Variants in ACSS1 observed in about 807,000 individuals in gnomAD.
The protein encoded by ACSS1 is acetyl-coenzyme A synthetase 2-like, mitochondrial.
Under a neutral mutation model 75.3 loss-of-function variants are expected in ACSS1, and 42 were observed. The observed-to-expected ratio is 0.56, with a 90% confidence interval of 0.44 to 0.72. The LOEUF (loss-of-function observed/expected upper bound fraction) is 0.72. ACSS1 is among the 30% of genes least tolerant of loss of function. ACSS1 has a pLI of 0.00. For synonymous variants in ACSS1, 380 were observed against 376.8 expected (o/e 1.01, Z -0.10); for missense variants, 782 against 935.7 (o/e 0.84, Z 2.14).
intron 3 of ACSS1, among the ~76,000 whole-genome samples, chr20:25,030,088 C>A (rs931805233): frequency 1.3e-5 from 2 of 152,148 alleles, no homozygotes; most frequent in South Asian, 2.1e-4. Context: ...GAGAACTCTA[C>A]CCATTAGTTC....
rs1368868088 is a variant in ACSS1, at chr20:25,007,474, C to T, written c.*288G>A. ...ACCTTCCTGTGCTGGCTCAAGAGGGCAGAGGAATGGAGATGGCAATGCCTT... is the reference window on the plus strand; with the variant it reads ...ACCTTCCTGTGCTGGCTCAAGAGGGTAGAGGAATGGAGATGGCAATGCCTT... On this transcript the variant is annotated 3_prime_UTR_variant, in exon 14 of 14. Coordinates refer to ENST00000323482, the MANE Select transcript of ACSS1 (RefSeq NM_032501.4). The T allele has an allele frequency of 1.0e-5, 13 of 1,252,348 alleles. No homozygotes were observed. Among genetic ancestry groups the T allele is most frequent in the Non-Finnish European group, 1.3e-5 (13 of 993,268 alleles). 77.6% of individuals were successfully genotyped at this position (1,252,348 alleles called of 1,614,324 possible).
chr20:25,017,141 G>A lies in ACSS1; in HGVS notation c.1247-1911C>T, dbSNP rs190295698. 1.3e-3 allele frequency among the ~76,000 whole-genome samples: 204 copies of A among 152,194 alleles called. 2 individuals are homozygous for A. The highest frequency in any genetic ancestry group is 4.6e-3 in the African/African-American group (191 of 41,508). On this transcript the variant is annotated intron_variant, in intron 7 of 13. Coordinates refer to ENST00000323482, the MANE Select transcript of ACSS1 (RefSeq NM_032501.4). The stretch of plus-strand genomic sequence containing the variant: ...CAAGTAGCCGAGGGACTACAGGCAC[G>A]TACCACCACGCCCAGCTCCTAAGGA...
intron 3 of ACSS1, among the ~76,000 whole-genome samples, chr20:25,024,877 C>T (rs1325035190): frequency 2.0e-5 from 3 of 152,202 alleles, no homozygotes; most frequent in African/African-American, 4.8e-5. Context: ...ATACCCTAGA[C>T]CTGCCCAGAT....
At chr20:25,016,540 C>T (rs576345466) in intron 7 of ACSS1, among the ~76,000 whole-genome samples, 3 of 152,330 alleles carry the variant, frequency 2.0e-5, no homozygotes, top group South Asian at 4.1e-4. Context: ...TGGTGGTTGC[C>T]TCTTGCTCAG....
At chr20:25,018,496 T>C (rs1019202456) in intron 7 of ACSS1, among the ~76,000 whole-genome samples, 2 of 152,108 alleles carry the variant, frequency 1.3e-5, no homozygotes, top group African/African-American at 4.8e-5. Flanking sequence ...GGGTACAGGG[T>C]GGGGGCACAG....
At chr20:25,018,929 CT>C (rs1469679095) in intron 7 of ACSS1, among the ~76,000 whole-genome samples, 4 of 152,174 alleles carry the variant, frequency 2.6e-5, no homozygotes, top group Non-Finnish European at 2.9e-5. Context: ...CCTCGCCACC[CT>C]GTAGGTAGGT....
chr20:25,029,545 G>A (rs1327275092), intron 3 of ACSS1, among the ~76,000 whole-genome samples: 1 of 152,122 alleles, frequency 6.6e-6, no homozygotes, highest in Admixed American at 6.5e-5. Flanking sequence ...AAAAACAGGT[G>A]TTCCTATACA....
intron 3 of ACSS1, among the ~76,000 whole-genome samples, chr20:25,027,798 G>T (rs920987093): frequency 1.6e-5 from 2 of 125,982 alleles, no homozygotes; most frequent in African/African-American, 2.9e-5. Flanking sequence ...AAAAAAAAAA[G>T]AAATAAAAGA....
intron 2 of ACSS1, among the ~76,000 whole-genome samples, chr20:25,043,553 C>T (rs544487270): frequency 4.6e-5 from 7 of 152,352 alleles, no homozygotes; most frequent in Admixed American, 2.6e-4. Flanking sequence ...CCTCCCTCAG[C>T]TTCCTGGGAC....
At chr20:25,033,811 T>C (rs2088868197) in intron 2 of ACSS1, among the ~76,000 whole-genome samples, 6 of 152,106 alleles carry the variant, frequency 3.9e-5, no homozygotes, top group Admixed American at 3.3e-4. Flanking sequence ...TCTGGATAGA[T>C]TGGCTGTTGG....
At chr20:25,033,744 G>A (rs1322472318) in intron 2 of ACSS1, among the ~76,000 whole-genome samples, 1 of 152,226 alleles carries the variant, frequency 6.6e-6, no homozygotes, top group African/African-American at 2.4e-5. Flanking sequence ...GCACTGAGCA[G>A]CTCAACTTGG....
At chr20:25,052,251 C>T (rs1328472380) in intron 1 of ACSS1, among the ~76,000 whole-genome samples, 1 of 152,144 alleles carries the variant, frequency 6.6e-6, no homozygotes, top group African/African-American at 2.4e-5. Flanking sequence ...AAAAAATCTG[C>T]CCAAAGAAAT....
chr20:25,040,638 AT>A (rs2088984863), intron 2 of ACSS1, among the ~76,000 whole-genome samples: 2 of 152,208 alleles, frequency 1.3e-5, no homozygotes, highest in East Asian at 1.9e-4. Context: ...TGGTGCAAAT[AT>A]TTCCACCGCT....
intron 6 of ACSS1, among the ~76,000 whole-genome samples, chr20:25,020,566 G>A (rs570675417): frequency 6.6e-6 from 1 of 152,364 alleles, no homozygotes; most frequent in Admixed American, 6.5e-5. Context: ...CCAGGGAGCA[G>A]GGCCATGTGC....
At chr20:25,032,156 G>A (rs1394390802) in intron 2 of ACSS1, among the ~76,000 whole-genome samples, 1 of 152,200 alleles carries the variant, frequency 6.6e-6, no homozygotes. Context: ...CCCCCATGTC[G>A]TCCACCACGT....
At chr20:25,021,576 C>T (rs769610242) in intron 5 of ACSS1, 40 bp from the exon 6 acceptor site, 2 of 1,603,858 alleles carry the variant, frequency 1.2e-6, no homozygotes, top group East Asian at 2.2e-5. Flanking sequence ...CTTGTCCCCC[C>T]ACTCCACCAT....
At chr20:25,032,643 C>CA (rs1878190300) in intron 2 of ACSS1, 1 of 1,225,470 alleles carries the variant, frequency 8.2e-7, no homozygotes, top group African/African-American at 1.5e-5. Context: ...CTCGGGCTCT[C>CA]AAGGCCGCTC....
intron 2 of ACSS1, among the ~76,000 whole-genome samples, chr20:25,045,203 G>A (rs1313807768): frequency 1.3e-5 from 2 of 152,184 alleles, no homozygotes; most frequent in Non-Finnish European, 2.9e-5. Context: ...TGTACAGATG[G>A]GAAAGTCACA....
intron 12 of ACSS1, chr20:25,009,866 G>A (rs1305226852): frequency 6.4e-6 from 1 of 156,394 alleles, no homozygotes; most frequent in South Asian, 2.0e-4. Context: ...CAGCTCCCTG[G>A]CTGCATGAGC....
Sources: gnomAD v4.1 joint callset for allele counts (sites outside exome capture counted in the v4.1 genomes callset) on GRCh38, gnomAD v4.1.1 for gene constraint, MANE v1.5 for transcripts, NCBI Gene and HGNC (gene_info 2026-07-23, HGNC 2026-07-21) for gene names.